Variants in STRBP observed in about 807,000 individuals in gnomAD.
STRBP encodes spermatid perinuclear RNA binding protein.
STRBP carries 13 observed loss-of-function variants against 80.1 expected under a neutral mutation model. The observed-to-expected ratio is 0.16, with a 90% CI of 0.11 to 0.26. The LOEUF is 0.26. STRBP is among the 10% of genes least tolerant of loss of function. The probability of loss-of-function intolerance (pLI) is 1.00; values close to 1 mark genes in which losing one functional copy is unlikely to be tolerated. For synonymous variants in STRBP, 284 were observed against 291.2 expected, an observed-to-expected ratio of 0.98 and a Z score of 0.25; for missense variants, 485 against 815.2, an observed-to-expected ratio of 0.59 and a Z score of 4.93.
intron 11 of STRBP, among the ~76,000 whole-genome samples, chr9:123,157,521 T>C (rs2007318): frequency 0.15 from 22,670 of 152,156 alleles, 5,200 homozygotes; most frequent in African/African-American, 0.49. Flanking sequence ...ATTGTATTAG[T>C]TCATTCTCAT....
intron 2 of STRBP, among the ~76,000 whole-genome samples, chr9:123,206,254 G>GT (rs1341297782): frequency 1.7e-5 from 2 of 115,064 alleles, no homozygotes; most frequent in Non-Finnish European, 3.0e-5. Flanking sequence ...CCTTAAAAGT[G>GT]TATGTTTTGC....
chr9:123,143,656 T>C (rs963384641), intron 13 of STRBP, among the ~76,000 whole-genome samples: 2 of 152,250 alleles, frequency 1.3e-5, no homozygotes, highest in African/African-American at 4.8e-5. Flanking sequence ...TTTTAACAAA[T>C]TAATGAATCA....
At chr9:123,147,097 T>A in intron 12 of STRBP, 43 bp from the exon 13 acceptor site, 1 of 1,568,084 alleles carries the variant, frequency 6.4e-7, no homozygotes, top group East Asian at 2.3e-5. Context: ...AACTAGAAAG[T>A]AATTTTGCTT....
intron 1 of STRBP, among the ~76,000 whole-genome samples, chr9:123,260,824 C>T (rs2041145953): frequency 6.6e-6 from 1 of 152,144 alleles, no homozygotes; most frequent in Non-Finnish European, 1.5e-5. Flanking sequence ...ATTTACTGTA[C>T]TGTTTCCACT....
chr9:123,226,778 G>T (rs2040249460), intron 2 of STRBP, among the ~76,000 whole-genome samples: 1 of 151,866 alleles, frequency 6.6e-6, no homozygotes, highest in African/African-American at 2.4e-5. Context: ...GGGTGGCGGG[G>T]TGGGGAGGAA....
intron 2 of STRBP, among the ~76,000 whole-genome samples, chr9:123,198,597 T>C (rs2039194316): frequency 6.6e-6 from 1 of 150,922 alleles, no homozygotes; most frequent in South Asian, 2.1e-4. Context: ...CTTTTTAGTT[T>C]AATTAGGTCC....
intron 2 of STRBP, among the ~76,000 whole-genome samples, chr9:123,219,655 G>A (rs1404200139): frequency 2.6e-5 from 4 of 152,178 alleles, no homozygotes; most frequent in Non-Finnish European, 4.4e-5. Context: ...TTAGCGAGAC[G>A]CAGTAAGGCA....
Position 123,123,763 on chromosome 9 carries a change from A to G in STRBP, c.*1834T>C, listed in dbSNP as rs1168507722. Reference sequence around the variant, plus strand: ...CGCAGCTGCCAATTAATAGTATTCCAAAGACAATGAGGACTACTGTAAAGA... The same window carrying G: ...CGCAGCTGCCAATTAATAGTATTCCGAAGACAATGAGGACTACTGTAAAGA... On this transcript the variant is annotated 3_prime_UTR_variant, in exon 19 of 19. Coordinates refer to ENST00000348403, the MANE Select transcript of STRBP (RefSeq NM_018387.5). 8 of 985,326 alleles carry G rather than the reference A, an allele frequency of 8.1e-6. No individual in the cohort carries two copies. The highest frequency in any genetic ancestry group is 8.4e-6 in the Non-Finnish European group (7 of 829,942). 61.0% of individuals were successfully genotyped at this position (985,326 alleles called of 1,614,324 possible). A position where few individuals can be genotyped will look rare whatever the true frequency, so the allele number is the denominator to read the frequency against.
At chr9:123,208,933 G>A (rs1314934491) in intron 2 of STRBP, among the ~76,000 whole-genome samples, 1 of 152,132 alleles carries the variant, frequency 6.6e-6, no homozygotes, top group Non-Finnish European at 1.5e-5. Flanking sequence ...GCTGTCTCAA[G>A]TGTACCAAAC....
At chr9:123,145,034 C>A (rs553871505) in intron 13 of STRBP, among the ~76,000 whole-genome samples, 1 of 152,314 alleles carries the variant, frequency 6.6e-6, no homozygotes, top group South Asian at 2.1e-4. Context: ...AAATCTTAAA[C>A]TCTTCACAAA....
intron 16 of STRBP, 99 bp downstream of exon 16, chr9:123,135,942 A>G: frequency 6.7e-7 from 1 of 1,492,240 alleles, no homozygotes; most frequent in African/African-American, 1.4e-5. Context: ...AAAAGGAAAC[A>G]ACTTCAGAAA....
Position 123,158,143 on chromosome 9 carries a change from A to C in STRBP, c.934-20T>G. 1 of 1,588,184 alleles carries C rather than the reference A, an allele frequency of 6.3e-7. No homozygotes were observed. Among genetic ancestry groups the C allele is most frequent in the Non-Finnish European group, 8.6e-7 (1 of 1,157,664 alleles). Reference sequence around the variant, plus strand: ...TGCATGCTAAAGAACAAAGTATTATATTTAATCACATTTCAATAGCCATTC... The same window carrying C: ...TGCATGCTAAAGAACAAAGTATTATCTTTAATCACATTTCAATAGCCATTC... On this transcript the variant is annotated intron_variant, in intron 10 of 18. Transcript: ENST00000348403.
rs10689260 is a variant in STRBP, at chr9:123,218,355, CTTTTTTTTTTTTTT to C, written c.-165+18461_-165+18474del. 1.7e-3 allele frequency among the ~76,000 whole-genome samples: 173 copies of C among 102,446 alleles called. 4 individuals carry two copies. The East Asian group carries it at 0.043, about 26-fold the overall frequency. 67.2% of individuals were successfully genotyped at this position (102,446 alleles called of 152,430 possible). ...CAGCTTATTTATACATTAAATATGA[CTTTTTTTTTTTTTT>C]TTTTTTTTTTTGAGACGGAGTCTCG... On this transcript the variant is annotated intron_variant, in intron 2 of 18. Transcript: ENST00000348403.
At chr9:123,158,510 G>T in intron 9 of STRBP, 81 bp from the exon 10 acceptor site, 2 of 1,238,790 alleles carry the variant, frequency 1.6e-6, no homozygotes, top group Admixed American at 2.1e-5. Flanking sequence ...AGATGGCTGG[G>T]GAGAATGAAG....
At chr9:123,263,972 G>A (rs967271310) in intron 1 of STRBP, among the ~76,000 whole-genome samples, 5 of 152,208 alleles carry the variant, frequency 3.3e-5, no homozygotes, top group Non-Finnish European at 5.9e-5. Context: ...AAGGTCAAGA[G>A]ATCGAGACCG....
chr9:123,116,047 A>G (rs1042226959), exon 3 of STRBP: 2 of 456,070 alleles, frequency 4.4e-6, no homozygotes, highest in African/African-American at 2.0e-5. Context: ...GCCAATTTCC[A>G]TAGGTTTTTT....
chr9:123,159,605 T>C (rs2037436872), intron 8 of STRBP, among the ~76,000 whole-genome samples: 1 of 152,146 alleles, frequency 6.6e-6, no homozygotes, highest in African/African-American at 2.4e-5. Flanking sequence ...ACCACAAATA[T>C]TTCAATATAA....
intron 8 of STRBP, among the ~76,000 whole-genome samples, chr9:123,159,697 C>T (rs551608741): frequency 3.2e-4 from 49 of 151,576 alleles, no homozygotes; most frequent in Admixed American, 4.6e-4. Context: ...GTTCAATAAA[C>T]TAAGAACTCA....
At chr9:123,170,816 T>C (rs1027000018) in intron 5 of STRBP, among the ~76,000 whole-genome samples, 7 of 152,184 alleles carry the variant, frequency 4.6e-5, no homozygotes, top group Admixed American at 3.3e-4. Context: ...ATATATGATT[T>C]AAAATAAGTT....
Sources: gnomAD v4.1 joint callset for allele counts (sites outside exome capture counted in the v4.1 genomes callset) on GRCh38, gnomAD v4.1.1 for gene constraint, MANE v1.5 for transcripts, NCBI Gene and HGNC (gene_info 2026-07-23, HGNC 2026-07-21) for gene names.